The following TRPM7 variants were observed in gnomAD, a reference collection of about 807,000 sequenced individuals.
TRPM7 encodes transient receptor potential cation channel subfamily M member 7.
Under a neutral mutation model 229.7 loss-of-function variants are expected in TRPM7, and 134 were observed. That is an observed-to-expected ratio of 0.58 (90% CI 0.51 to 0.67). The LOEUF (loss-of-function observed/expected upper bound fraction) is 0.67. Ranked by LOEUF, TRPM7 falls within the 30% of genes least tolerant of loss-of-function variation. TRPM7 has a pLI of 0.00. For synonymous variants in TRPM7, 699 were observed against 715.2 expected (o/e 0.98, Z 0.36); for missense variants, 1,901 against 2,210.0 (o/e 0.86, Z 2.80).
intron 7 of TRPM7, among the ~76,000 whole-genome samples, chr15:50,636,668 T>C (rs948343373): frequency 6.6e-6 from 1 of 152,342 alleles, no homozygotes; most frequent in Middle Eastern, 3.4e-3. Context: ...TCAGACATGG[T>C]TGGAAAGAAA....
chr15:50,681,264 T>TACAC (rs72070923), intron 1 of TRPM7, among the ~76,000 whole-genome samples: 49,675 of 146,804 alleles, frequency 0.34, 8,419 homozygotes, highest in South Asian at 0.37. Flanking sequence ...AATAAATAAA[T>TACAC]ACACACACAC....
chr15:50,581,101 C>T (rs984454221), intron 29 of TRPM7, among the ~76,000 whole-genome samples, 193 bp from the exon 30 acceptor site: 1 of 152,116 alleles, frequency 6.6e-6, no homozygotes, highest in Non-Finnish European at 1.5e-5. Context: ...TACCATAAGA[C>T]TATTCAACAA....
chr15:50,567,323 TC>T (rs1339964153), intron 38 of TRPM7, among the ~76,000 whole-genome samples: 1 of 152,018 alleles, frequency 6.6e-6, no homozygotes, highest in African/African-American at 2.4e-5. Context: ...GCTACCCCTG[TC>T]CCCTCCCCAC....
chr15:50,635,318 T>TAAAAAAA (rs71124393), intron 7 of TRPM7, among the ~76,000 whole-genome samples: 16 of 42,944 alleles, frequency 3.7e-4, no homozygotes, highest in East Asian at 6.9e-4. Context: ...CTCCCTCACA[T>TAAAAAAA]AAAAAAAAAA....
Position 50,589,646 on chromosome 15 carries a change from A to G in TRPM7, c.4335T>C (p.Asp1445=). The G allele has an allele frequency of 6.3e-7, 1 of 1,592,658 alleles. No individual in the cohort carries two copies. The highest frequency in any genetic ancestry group is 8.6e-7 in the Non-Finnish European group (1 of 1,168,208). ...CTTTAAACCTCTGTAAATCCATGCT[A>G]TCTCTGTGTCCTTTAATAGAAAAAA... The part of the protein sequence containing the change: ...TEFGAFVGHR[D]SMDLQRFKET... Residue 1445 remains aspartate (D), a synonymous_variant, in exon 27 of 39, where the codon GAT becomes GAC. Coordinates refer to ENST00000646667, the MANE Select transcript of TRPM7 (RefSeq NM_017672.6).
chr15:50,663,446 A>C (rs2061787650), intron 1 of TRPM7, among the ~76,000 whole-genome samples: 1 of 152,160 alleles, frequency 6.6e-6, no homozygotes, highest in Non-Finnish European at 1.5e-5. Context: ...TCTATACTAC[A>C]TAATTTTTTA....
At chr15:50,632,457 C>T (rs937915847) in intron 9 of TRPM7, among the ~76,000 whole-genome samples, 1 of 152,240 alleles carries the variant, frequency 6.6e-6, no homozygotes, top group Admixed American at 6.5e-5. Flanking sequence ...TCTCTGAAAA[C>T]TTATGCCCAC....
chr15:50,652,919 T>G (rs1253820144), intron 3 of TRPM7, among the ~76,000 whole-genome samples: 1 of 152,108 alleles, frequency 6.6e-6, no homozygotes. Context: ...CCCAGCACTT[T>G]GAGAGGCCAA....
intron 3 of TRPM7, among the ~76,000 whole-genome samples, chr15:50,649,870 T>C (rs1055099507): frequency 6.6e-6 from 1 of 152,082 alleles, no homozygotes; most frequent in African/African-American, 2.4e-5. Context: ...GTTCCAAGTA[T>C]CTGCAGAAGG....
At chr15:50,684,016 C>T (rs1410839722) in intron 1 of TRPM7, among the ~76,000 whole-genome samples, 1 of 151,876 alleles carries the variant, frequency 6.6e-6, no homozygotes, top group African/African-American at 2.4e-5. Context: ...CCCATCACGA[C>T]GCCCTGCTAA....
intron 3 of TRPM7, among the ~76,000 whole-genome samples, chr15:50,655,174 G>A (rs1206776253): frequency 2.1e-5 from 3 of 142,310 alleles, no homozygotes; most frequent in East Asian, 2.0e-4. Context: ...AGTGGCTCAC[G>A]CCTGTAATCC....
intron 1 of TRPM7, among the ~76,000 whole-genome samples, chr15:50,684,403 A>G (rs570113403): frequency 6.6e-6 from 1 of 152,126 alleles, no homozygotes; most frequent in South Asian, 2.1e-4. Context: ...ACACTTTGGG[A>G]GGTGAGACAG....
In TRPM7 at chr15:50,650,192, CAAAAAAAAAAAAA is replaced by C. The variant is rs59579538; in HGVS notation, c.123-1320_123-1308del. Reference sequence around the variant, plus strand: ...TGGGTGAAAGAGTGAGACTTTGTCTCAAAAAAAAAAAAAAAAAAAAAAAAAAAAAGAATAACTA... The same window carrying C: ...TGGGTGAAAGAGTGAGACTTTGTCTCAAAAAAAAAAAAAAAAGAATAACTA... On this transcript the variant is annotated intron_variant, in intron 3 of 38. Coordinates refer to ENST00000646667, the MANE Select transcript of TRPM7 (RefSeq NM_017672.6). 8.8e-4 allele frequency among the ~76,000 whole-genome samples: 55 copies of C among 62,290 alleles called. 1 individual carries two copies. Among genetic ancestry groups the C allele is most frequent in the Admixed American group, 2.3e-3 (10 of 4,282 alleles). The allele number at this position is 62,290 out of a possible 152,430, so 40.9% of individuals were successfully genotyped here. A position where few individuals can be genotyped will look rare whatever the true frequency, so the allele number is the denominator to read the frequency against.
rs1381784094 is a variant in TRPM7 at position 50,593,764 on chromosome 15, G to T, written c.3476-15C>A. ...TAAGAAAAGTTCTATGGGAGGAAAA[G>T]GAGAAGAAAATCAAGGAAGAGCTAT... On this transcript the variant is annotated splice_polypyrimidine_tract_variant and intron_variant, in intron 24 of 38. Transcript: ENST00000646667. 12 of 1,592,682 alleles carry T rather than the reference G, an allele frequency of 7.5e-6. No individual in the cohort carries two copies. The highest frequency in any genetic ancestry group is 9.4e-6 in the Non-Finnish European group (11 of 1,174,062).
chr15:50,571,579 G>GA (rs60590506), intron 36 of TRPM7, among the ~76,000 whole-genome samples: 41 of 145,874 alleles, frequency 2.8e-4, no homozygotes, highest in African/African-American at 7.4e-4. Flanking sequence ...AAAAAAAGTG[G>GA]AAAAAAAAAA....
intron 21 of TRPM7, among the ~76,000 whole-genome samples, chr15:50,602,134 A>T (rs1359710386): frequency 6.6e-6 from 1 of 152,074 alleles, no homozygotes; most frequent in African/African-American, 2.4e-5. Flanking sequence ...GAACCAACCC[A>T]AATGTCCGTC....
At chr15:50,625,102 G>C (rs1301188260) in intron 11 of TRPM7, among the ~76,000 whole-genome samples, 1 of 151,990 alleles carries the variant, frequency 6.6e-6, no homozygotes. Flanking sequence ...AAATTAGTAG[G>C]GACATGAAAT....
chr15:50,626,440 T>TTTGTAAGGAGCA (rs2060562032), intron 11 of TRPM7, among the ~76,000 whole-genome samples: 1 of 152,118 alleles, frequency 6.6e-6, no homozygotes, highest in Admixed American at 6.6e-5. Context: ...AAGTGTCTGT[T>TTTGTAAGGAGCA]TTGTAAGGAG....
intron 36 of TRPM7, 83 bp downstream of exon 36, chr15:50,574,191 T>C (rs973044528): frequency 9.0e-7 from 1 of 1,113,140 alleles, no homozygotes; most frequent in Non-Finnish European, 1.3e-6. Flanking sequence ...TATTTATCTA[T>C]AAATTAGCAG....
Sources: allele counts gnomAD v4.1 joint callset (sites outside exome capture counted in the v4.1 genomes callset), GRCh38; gene constraint gnomAD v4.1.1; transcripts MANE v1.5; gene names NCBI Gene and HGNC (gene_info 2026-07-23, HGNC 2026-07-21).